The following AP3B2 variants were observed in gnomAD, a reference collection of about 807,000 sequenced individuals.
The protein encoded by AP3B2 is adaptor related protein complex 3 subunit beta 2, also known as AP-3 complex subunit beta-2.
A neutral mutation model predicts 126.9 loss-of-function variants in AP3B2; 50 were observed. The ratio of observed to expected loss-of-function variants is 0.39; its 90% confidence interval spans 0.31 to 0.50. AP3B2 has a LOEUF of 0.50. Among genes scored for constraint, AP3B2 ranks in the 20% least tolerant of loss-of-function variants. The pLI is 0.79. For missense variants in AP3B2, 1,177 were observed against 1,426.4 expected (o/e 0.83, Z 2.82); for synonymous variants, 541 against 565.0 (o/e 0.96, Z 0.60).
chr15:82,678,020 C>A, intron 11 of AP3B2, 85 bp downstream of exon 11: 1 of 1,494,412 alleles, frequency 6.7e-7, no homozygotes, highest in East Asian at 2.3e-5. Context: ...CAGCCTTGGG[C>A]TCATAAGAGG....
chr15:82,707,911 T>TC (rs2048821933), intron 1 of AP3B2, among the ~76,000 whole-genome samples: 1 of 152,166 alleles, frequency 6.6e-6, no homozygotes, highest in Non-Finnish European at 1.5e-5. Context: ...AAGCAGCCCT[T>TC]CAAGGCTATG....
intron 1 of AP3B2, chr15:82,699,785 G>C: frequency 2.5e-6 from 1 of 399,314 alleles, no homozygotes; most frequent in Non-Finnish European, 4.4e-6. Flanking sequence ...TCGGGAGCCA[G>C]CACAGGGCTA....
rs1472691103 is a variant in AP3B2, at chr15:82,709,545, C to G, written c.113+49G>C. 1.5e-5 allele frequency: 20 copies of G among 1,356,100 alleles called. No individual in the cohort carries two copies. The East Asian group carries it at 3.9e-4, about 26-fold the overall frequency. 84.0% of individuals were successfully genotyped at this position (1,356,100 alleles called of 1,614,324 possible). A position where few individuals can be genotyped will look rare whatever the true frequency, so the allele number is the denominator to read the frequency against. On this transcript the variant is annotated intron_variant, in intron 1 of 26. Transcript: ENST00000535359. ...GTCCATGGTGCCCGCGCGCCTCGCC[C>G]GGTCCCCGGCCCCAACCCTCCCGCG...
intron 14 of AP3B2, among the ~76,000 whole-genome samples, chr15:82,669,683 T>C (rs1187760029): frequency 6.3e-5 from 7 of 110,250 alleles, no homozygotes; most frequent in Non-Finnish European, 1.1e-4. Flanking sequence ...AGAGCAAGAC[T>C]CCGTTTCAAA....
At chr15:82,684,372 T>A (rs1283748543) in intron 4 of AP3B2, among the ~76,000 whole-genome samples, 2 of 152,218 alleles carry the variant, frequency 1.3e-5, no homozygotes, top group Non-Finnish European at 1.5e-5. Context: ...TACTTAAACT[T>A]CATGAACCAA....
Position 82,664,746 on chromosome 15 carries a change from A to G in AP3B2, c.2137+89T>C. ...CACAAGCAGGTGCACACCCCTAGAC[A>G]CACAACCATATACATATACCCCTCA... On this transcript the variant is annotated intron_variant, in intron 18 of 26. Coordinates refer to ENST00000535359, the MANE Select transcript of AP3B2 (RefSeq NM_001278512.2). The surrounding 1 kb of genome is among the most constrained non-coding windows in gnomAD (Gnocchi z 4.5). 9.1e-7 allele frequency: 1 copy of G among 1,104,068 alleles called. No homozygotes were observed. 68.4% of individuals were successfully genotyped at this position (1,104,068 alleles called of 1,614,324 possible).
rs2048005155 is a variant in AP3B2, at chr15:82,663,946, T to C, written c.2291A>G (p.Lys764Arg). 5.0e-6 allele frequency: 8 copies of C among 1,607,342 alleles called. No homozygotes were observed. The highest frequency in any genetic ancestry group is 6.8e-6 in the Non-Finnish European group (8 of 1,179,796). Residue 764 changes from lysine (K) to arginine (R), a missense_variant, in exon 20 of 27, where the codon AAG becomes AGG. Transcript: ENST00000535359. ...TCTCTCTGGCACCTTCTTCTTTGTC[T>C]TCCTCTTACCATCCTCCTCACTCTG... Reference protein sequence around the residue: ...SEQSEEDGKRKTKKKVPERKG... With the variant: ...SEQSEEDGKRRTKKKVPERKG...
Position 82,661,375 on chromosome 15 carries a change from T to G in AP3B2, c.3016+450A>C, listed in dbSNP as rs927644920. Among the ~76,000 whole-genome samples the G allele has an allele frequency of 2.0e-5, 3 of 152,190 alleles. No homozygotes were observed. In the South Asian group the frequency reaches 6.2e-4, roughly 31 times the overall value. The stretch of plus-strand genomic sequence containing the variant: ...TTCCCTCCTCCCTTGCCCAAGCCAC[T>G]CTTCTTTCTTCTAGGCCAGAGGTTT... On this transcript the variant is annotated intron_variant, in intron 25 of 26. Transcript: ENST00000535359.
At chr15:82,693,002 A>G (rs532642007) in intron 1 of AP3B2, among the ~76,000 whole-genome samples, 7 of 152,272 alleles carry the variant, frequency 4.6e-5, no homozygotes, top group African/African-American at 1.7e-4. Flanking sequence ...ACTCCAAAGA[A>G]TATTTTTGGG....
intron 23 of AP3B2, 120 bp downstream of exon 23, chr15:82,662,574 G>A: frequency 1.1e-6 from 1 of 917,302 alleles, no homozygotes; most frequent in Non-Finnish European, 1.7e-6. Flanking sequence ...CATGTTAGAT[G>A]CTATCTCTGT....
At position 82,665,217 on chromosome 15, in the gene AP3B2, G is replaced by A; in HGVS notation, c.2028+30C>T. 1.3e-6 allele frequency: 2 copies of A among 1,534,110 alleles called. No individual in the cohort carries two copies. The highest frequency in any genetic ancestry group is 1.7e-6 in the Non-Finnish European group (2 of 1,144,262). On this transcript the variant is annotated intron_variant, in intron 17 of 26. Coordinates refer to ENST00000535359, the MANE Select transcript of AP3B2 (RefSeq NM_001278512.2). The surrounding 1 kb of genome is among the most constrained non-coding windows in gnomAD (Gnocchi z 4.4). Reference sequence around the variant, plus strand: ...GAAGAGGGACACAGACAGGGCAGGGGAGAGAGCACACGTCACACGAAGGTG... The same window carrying A: ...GAAGAGGGACACAGACAGGGCAGGGAAGAGAGCACACGTCACACGAAGGTG...
intron 20 of AP3B2, 79 bp downstream of exon 20, chr15:82,663,722 T>C (rs1187155096): frequency 1.2e-6 from 2 of 1,600,016 alleles, no homozygotes; most frequent in Non-Finnish European, 8.5e-7. Flanking sequence ...GGTAGGGAGA[T>C]AGATGTCTGG....
At chr15:82,661,738 C>A in intron 25 of AP3B2, 87 bp downstream of exon 25, 1 of 1,122,196 alleles carries the variant, frequency 8.9e-7, no homozygotes. Context: ...AGATGAAGGA[C>A]ACCACCATTC....
intron 14 of AP3B2, among the ~76,000 whole-genome samples, chr15:82,671,630 T>G (rs980249522): frequency 1.3e-5 from 2 of 150,708 alleles, no homozygotes; most frequent in East Asian, 3.9e-4. Flanking sequence ...CTCAGCTACT[T>G]GGGAGGCTGA....
chr15:82,664,816 A>G lies in AP3B2; in HGVS notation c.2137+19T>C, dbSNP rs1596168322. ...GCATGGGCAGAGCACAGAGGACCCC[A>G]GCTCTGCCATCTGCTCACCACTGTC... On this transcript the variant is annotated intron_variant, in intron 18 of 26. Transcript: ENST00000535359. The surrounding 1 kb of genome is among the most constrained non-coding windows in gnomAD (Gnocchi z 4.5). 3 of 1,536,640 alleles carry G rather than the reference A, an allele frequency of 2.0e-6. No individual in the cohort carries two copies. The highest frequency in any genetic ancestry group is 3.7e-5 in the Admixed American group (2 of 54,116).
intron 1 of AP3B2, among the ~76,000 whole-genome samples, chr15:82,691,406 G>A (rs964828175): frequency 2.0e-5 from 3 of 152,152 alleles, no homozygotes; most frequent in African/African-American, 7.2e-5. Context: ...TTTTTAAGCA[G>A]AATGGGCCAA....
chr15:82,685,425 A>G (rs550276852), intron 4 of AP3B2: 9 of 152,248 alleles, frequency 5.9e-5, no homozygotes, highest in African/African-American at 2.2e-4. Context: ...AAAGAAGGGT[A>G]GATATTACCC....
At position 82,662,918 on chromosome 15, in the gene AP3B2, A is replaced by C; in HGVS notation, c.2609T>G (p.Leu870Arg). 6.2e-7 allele frequency: 1 copy of C among 1,612,150 alleles called. No homozygotes were observed. The highest frequency in any genetic ancestry group is 2.2e-5 in the East Asian group (1 of 44,860). ...CCGCCCAACACCCGATACTGGACTC[A>C]GAAGCTAGAGTGGAGGGGTAGGGAA... ...LTDSTLVPSL[L>R]SPVSGVGRQE... is the part of the protein sequence containing the mutation. Residue 870 changes from leucine to arginine, a missense_variant, in exon 23 of 27, where the codon CTG (leucine) becomes CGG (arginine). Physicochemically the swap from Leu to Arg is moderately radical, Grantham distance 102 (BLOSUM62 -2). Around this residue, in one of 5 missense-constraint regions of AP3B2, gnomAD observed 587 missense variants for 571.3 expected, o/e 1.03. Coordinates refer to ENST00000535359, the MANE Select transcript of AP3B2 (RefSeq NM_001278512.2).
chr15:82,679,075 G>A (rs2048287946), intron 10 of AP3B2, among the ~76,000 whole-genome samples: 1 of 152,144 alleles, frequency 6.6e-6, no homozygotes, highest in Non-Finnish European at 1.5e-5. Flanking sequence ...GTGAACCTTG[G>A]AGTCAGCAGA....
Sources: allele counts gnomAD v4.1 joint callset (sites outside exome capture counted in the v4.1 genomes callset), GRCh38; gene constraint gnomAD v4.1.1; regional missense constraint gnomAD v4.1.1; non-coding constraint Gnocchi (gnomAD v3.1); transcripts MANE v1.5; gene names NCBI Gene and HGNC (gene_info 2026-07-23, HGNC 2026-07-21).